The following PYY variants were observed in gnomAD, a reference collection of about 807,000 sequenced individuals.
PYY encodes the protein peptide tyrosine tyrosine.
PYY carries 12 observed loss-of-function variants against 10.3 expected under a neutral mutation model. That is an observed-to-expected ratio of 1.17 (90% CI 0.75 to 1.89). The LOEUF is 1.89. PYY is among the 40% of genes most tolerant of loss of function. The probability of loss-of-function intolerance (pLI) is 0.00; values close to 1 mark genes in which losing one functional copy is unlikely to be tolerated. For missense variants in PYY, 141 were observed against 134.0 expected (o/e 1.05, Z -0.26); for synonymous variants, 66 against 62.0 (o/e 1.06, Z -0.30).
At chr17:43,997,830 A>C (rs1267774010) in intron 1 of PYY, among the ~76,000 whole-genome samples, 1 of 152,082 alleles carries the variant, frequency 6.6e-6, no homozygotes, top group Non-Finnish European at 1.5e-5. Context: ...GGTATCCTGG[A>C]GGAGGTGGGA....
At chr17:43,998,362 A>C (rs2049004570) in intron 1 of PYY, among the ~76,000 whole-genome samples, 1 of 151,882 alleles carries the variant, frequency 6.6e-6, no homozygotes, top group African/African-American at 2.4e-5. Flanking sequence ...GTTCGAGACC[A>C]GCCTGGGCAA....
intron 1 of PYY, among the ~76,000 whole-genome samples, chr17:43,997,814 CAG>C (rs2143965725): frequency 1.3e-5 from 2 of 151,988 alleles, no homozygotes; most frequent in South Asian, 4.2e-4. Context: ...TTCTTCAACT[CAG>C]GGTGGTATCC....
At chr17:43,978,321 G>A (rs111251132) in intron 1 of PYY, among the ~76,000 whole-genome samples, 2 of 34,338 alleles carry the variant, frequency 5.8e-5, no homozygotes, top group African/African-American at 1.1e-4. Context: ...AAGGAAGGAA[G>A]GGAAGGGAAG....
chr17:43,954,501 A>G (rs2048659520), upstream of PYY, among the ~76,000 whole-genome samples: 1 of 152,070 alleles, frequency 6.6e-6, no homozygotes, highest in Non-Finnish European at 1.5e-5. Flanking sequence ...CCTGCAGTTT[A>G]TGGTGTCTTG....
intron 1 of PYY, among the ~76,000 whole-genome samples, chr17:43,989,151 G>A (rs1303478852): frequency 1.3e-5 from 2 of 151,932 alleles, no homozygotes; most frequent in Non-Finnish European, 2.9e-5. Flanking sequence ...AAGGCGGGCG[G>A]ATCACGAGGT....
At chr17:43,995,036 G>C (rs2048982167) in intron 1 of PYY, among the ~76,000 whole-genome samples, 1 of 152,226 alleles carries the variant, frequency 6.6e-6, no homozygotes, top group African/African-American at 2.4e-5. Context: ...GACTACCCGG[G>C]ACTACCCGAG....
intron 1 of PYY, among the ~76,000 whole-genome samples, chr17:44,001,125 G>C (rs545176164): frequency 1.3e-5 from 2 of 152,100 alleles, no homozygotes; most frequent in Non-Finnish European, 2.9e-5. Context: ...CTGTGATGTG[G>C]TACTGTCAAA....
intron 1 of PYY, among the ~76,000 whole-genome samples, chr17:43,975,469 A>G (rs1457044662): frequency 6.6e-6 from 1 of 151,962 alleles, no homozygotes; most frequent in Non-Finnish European, 1.5e-5. Context: ...GCACTTTGAG[A>G]GGCCAAGTTG....
chr17:43,953,125 G>T lies in PYY; in HGVS notation c.253C>A (p.Arg85Ser), dbSNP rs1446433216. ...CGCTTTTACCGCGACCTGACGGGGC[G>T]GTCCTCGCCGTCGGGGAAGAACGTT... is the stretch of plus-strand genomic sequence containing the variant. ...SKTFFPDGEDRPVRSRSEGPD... is the reference protein window; with the variant it reads ...SKTFFPDGEDSPVRSRSEGPD... The change falls in exon 3 of 4, where the codon CGC (arginine) becomes AGC (serine). Residue 85 changes from arginine to serine, a missense_variant. Transcript: ENST00000692052. 3 of 1,614,034 alleles carry T rather than the reference G, an allele frequency of 1.9e-6. No homozygotes were observed. The highest frequency in any genetic ancestry group is 4.5e-5 in the East Asian group (2 of 44,862).
At chr17:43,971,856 T>C (rs1289860551) in intron 1 of PYY, among the ~76,000 whole-genome samples, 1 of 152,130 alleles carries the variant, frequency 6.6e-6, no homozygotes, top group East Asian at 1.9e-4. Flanking sequence ...AGTTTTTATT[T>C]ATGATGAAGT....
In PYY at chr17:44,004,075, T is replaced by C. The variant is rs186694734; in HGVS notation, c.-463+316A>G. Reference sequence around the variant, plus strand: ...AAAGAAAAGCATTAACACTAAAGTATTATAAGTTTTGAGGGGTGTTTTGAG... The same window carrying C: ...AAAGAAAAGCATTAACACTAAAGTACTATAAGTTTTGAGGGGTGTTTTGAG... On this transcript the variant is annotated intron_variant, in intron 1 of 6. Coordinates refer to the PYY transcript ENST00000360085. 1.2e-3 allele frequency among the ~76,000 whole-genome samples: 183 copies of C among 152,244 alleles called. 2 individuals carry two copies. Among genetic ancestry groups the C allele is most frequent in the Admixed American group, 0.012 (176 of 15,294 alleles).
intron 1 of PYY, among the ~76,000 whole-genome samples, chr17:43,976,338 C>T (rs962507928): frequency 1.7e-4 from 26 of 151,062 alleles, no homozygotes; most frequent in Non-Finnish European, 3.0e-4. Flanking sequence ...TATACATATA[C>T]GTATATACAC....
intron 1 of PYY, among the ~76,000 whole-genome samples, chr17:43,991,838 A>AG (rs34569051): frequency 2.0e-5 from 3 of 151,234 alleles, no homozygotes; most frequent in Non-Finnish European, 4.4e-5. Flanking sequence ...AAAAAAAAAA[A>AG]GGCCGGGCGC....
chr17:43,998,070 C>T (rs1274607048), intron 1 of PYY, among the ~76,000 whole-genome samples: 1 of 152,080 alleles, frequency 6.6e-6, no homozygotes, highest in Non-Finnish European at 1.5e-5. Flanking sequence ...TCCTGAGAAG[C>T]TGGGATTACA....
At chr17:43,972,370 G>C (rs1019998661) in intron 1 of PYY, among the ~76,000 whole-genome samples, 1 of 151,496 alleles carries the variant, frequency 6.6e-6, no homozygotes, top group Non-Finnish European at 1.5e-5. Flanking sequence ...GTGTCACCAC[G>C]CCGGGCTAAT....
At chr17:43,990,743 C>T (rs1354970649) in intron 1 of PYY, among the ~76,000 whole-genome samples, 2 of 150,868 alleles carry the variant, frequency 1.3e-5, no homozygotes, top group Non-Finnish European at 2.9e-5. Context: ...TATGCAGTCA[C>T]CTAAAAGATG....
chr17:43,972,364 C>T (rs2048800357), intron 1 of PYY, among the ~76,000 whole-genome samples: 1 of 151,762 alleles, frequency 6.6e-6, no homozygotes, highest in Non-Finnish European at 1.5e-5. Context: ...AGCTGTGTGT[C>T]ACCACGCCGG....
intron 1 of PYY, among the ~76,000 whole-genome samples, chr17:43,985,423 G>T (rs2048909436): frequency 6.6e-6 from 1 of 152,186 alleles, no homozygotes; most frequent in East Asian, 1.9e-4. Flanking sequence ...TCATAGACCA[G>T]GCTGGTCTGG....
At chr17:43,989,103 G>A (rs1362031548) in intron 1 of PYY, among the ~76,000 whole-genome samples, 5 of 151,642 alleles carry the variant, frequency 3.3e-5, no homozygotes, top group Non-Finnish European at 5.9e-5. Flanking sequence ...GGCTGGGCGC[G>A]GTGGCTCACG....
Sources: allele counts gnomAD v4.1 joint callset (sites outside exome capture counted in the v4.1 genomes callset), GRCh38; gene constraint gnomAD v4.1.1; transcripts MANE v1.5; gene names NCBI Gene and HGNC (gene_info 2026-07-23, HGNC 2026-07-21).